The following PPIL4 variants were observed in gnomAD, a reference collection of about 807,000 sequenced individuals.
PPIL4 encodes peptidyl-prolyl cis-trans isomerase-like 4.
In PPIL4, 50 loss-of-function variants were observed where a neutral mutation model predicts 69.1. That is an observed-to-expected ratio of 0.72 (90% CI 0.58 to 0.92). PPIL4 has a LOEUF of 0.92. Among genes scored for constraint, PPIL4 ranks in the 40% least tolerant of loss-of-function variants. PPIL4 has a pLI of 0.00. For synonymous variants in PPIL4, 193 were observed against 191.6 expected, an observed-to-expected ratio of 1.01 and a Z score of -0.06; for missense variants, 480 against 587.9, an observed-to-expected ratio of 0.82 and a Z score of 1.90.
chr6:149,505,470 T>G lies in PPIL4; in HGVS notation c.1462A>C (p.Lys488Gln). The change falls in exon 13 of 13, where the codon AAA becomes CAA. Residue 488 changes from lysine to glutamine, a missense_variant. Transcript: ENST00000253329. ...TTCATCTTTCATCTATACTTAGATT[T>G]TTCTTTATCTTTGGACTTCTTTGGA... ...RSPKKSKDKE[K>Q]SKYR 5.0e-6 allele frequency: 8 copies of G among 1,612,396 alleles called. No individual in the cohort carries two copies. The highest frequency in any genetic ancestry group is 6.8e-6 in the Non-Finnish European group (8 of 1,179,676).
intron 4 of PPIL4, among the ~76,000 whole-genome samples, chr6:149,536,534 T>C (rs768290827): frequency 2.6e-5 from 4 of 152,076 alleles, no homozygotes; most frequent in African/African-American, 9.7e-5. Flanking sequence ...ACTGCTGATA[T>C]GAAGAAGGTT....
In PPIL4 at chr6:149,543,288, CAG is replaced by C. The variant is rs1441044593; in HGVS notation, c.71-1704_71-1703del. Reference sequence around the variant, plus strand: ...AAGCTAAAGAACAATTTATAGGAAACAGGGGACACAAAAATATGTTAACGCAC... The same window carrying C: ...AAGCTAAAGAACAATTTATAGGAAACGGGACACAAAAATATGTTAACGCAC... On this transcript the variant is annotated intron_variant, in intron 1 of 12. Coordinates refer to ENST00000253329, the MANE Select transcript of PPIL4 (RefSeq NM_139126.4). 7.2e-5 allele frequency among the ~76,000 whole-genome samples: 11 copies of C among 152,112 alleles called. No homozygotes were observed. The East Asian group carries it at 2.1e-3, about 29-fold the overall frequency.
At chr6:149,525,095 C>A in intron 9 of PPIL4, 48 bp downstream of exon 9, 1 of 963,334 alleles carries the variant, frequency 1.0e-6, no homozygotes, top group Non-Finnish European at 1.6e-6. Context: ...ATTTTAATAC[C>A]ATATAAAAGC....
chr6:149,543,918 AAAGG>A (rs1336520609), intron 1 of PPIL4, among the ~76,000 whole-genome samples: 1 of 152,260 alleles, frequency 6.6e-6, no homozygotes, highest in Admixed American at 6.5e-5. Flanking sequence ...TTAAAAAAGA[AAAGG>A]AAGAAAGAAT....
chr6:149,534,392 C>A (rs765320433), intron 6 of PPIL4, among the ~76,000 whole-genome samples: 45 of 152,124 alleles, frequency 3.0e-4, no homozygotes, highest in Non-Finnish European at 4.6e-4. Flanking sequence ...CACAAGATAA[C>A]AGTTTAATTT....
intron 1 of PPIL4, among the ~76,000 whole-genome samples, chr6:149,544,261 G>C (rs1362848487): frequency 6.6e-6 from 1 of 152,112 alleles, no homozygotes; most frequent in East Asian, 1.9e-4. Flanking sequence ...TGAAACACTC[G>C]ATCCAGCCAC....
chr6:149,524,708 T>C (rs1777081006), intron 9 of PPIL4, among the ~76,000 whole-genome samples: 1 of 152,156 alleles, frequency 6.6e-6, no homozygotes, highest in African/African-American at 2.4e-5. Context: ...AAGACCAGCC[T>C]GGCCAATATG....
chr6:149,521,204 C>T, intron 9 of PPIL4, 33 bp from the exon 10 acceptor site: 1 of 1,265,242 alleles, frequency 7.9e-7, no homozygotes, highest in Non-Finnish European at 1.1e-6. Flanking sequence ...AAGCATAAAT[C>T]TTTATGGAAA....
At chr6:149,529,578 C>T (rs1014165834) in intron 7 of PPIL4, among the ~76,000 whole-genome samples, 3 of 151,600 alleles carry the variant, frequency 2.0e-5, no homozygotes, top group Non-Finnish European at 2.9e-5. Flanking sequence ...CTGGCTAACA[C>T]GGTGAAACCT....
chr6:149,543,174 T>C (rs931390402), intron 1 of PPIL4, among the ~76,000 whole-genome samples: 1 of 152,178 alleles, frequency 6.6e-6, no homozygotes, highest in African/African-American at 2.4e-5. Context: ...ATCAAGTGCC[T>C]CCTGAATGTG....
intron 9 of PPIL4, among the ~76,000 whole-genome samples, chr6:149,522,858 A>G (rs2115032655): frequency 6.6e-6 from 1 of 152,094 alleles, no homozygotes; most frequent in East Asian, 1.9e-4. Context: ...TGATCCACCC[A>G]CCTCGGCCTC....
At chr6:149,542,078 C>T (rs533229179) in intron 1 of PPIL4, among the ~76,000 whole-genome samples, 104 of 152,012 alleles carry the variant, frequency 6.8e-4, no homozygotes, top group Non-Finnish European at 1.4e-3. Flanking sequence ...TTTTAAATTA[C>T]CTTTTTTTTT....
chr6:149,531,332 T>C (rs1020034524), intron 7 of PPIL4, among the ~76,000 whole-genome samples: 10 of 139,918 alleles, frequency 7.1e-5, no homozygotes, highest in African/African-American at 2.7e-5. Context: ...GCCATTGCAC[T>C]CCAGCCTGAT....
intron 12 of PPIL4, among the ~76,000 whole-genome samples, chr6:149,511,037 T>G (rs1164835383): frequency 3.9e-5 from 6 of 152,116 alleles, no homozygotes; most frequent in Non-Finnish European, 7.4e-5. Flanking sequence ...TATGTAAACC[T>G]AGCTCTCCTG....
intron 11 of PPIL4, among the ~76,000 whole-genome samples, chr6:149,515,457 G>T (rs575940781): frequency 2.6e-4 from 39 of 152,214 alleles, no homozygotes; most frequent in African/African-American, 8.4e-4. Context: ...AGTGTTGAGG[G>T]TATTCTCTAA....
intron 7 of PPIL4, among the ~76,000 whole-genome samples, chr6:149,528,675 T>A (rs1777144766): frequency 6.6e-6 from 1 of 152,222 alleles, no homozygotes; most frequent in Non-Finnish European, 1.5e-5. Flanking sequence ...CTGGTAGGAA[T>A]GTAAAATGTA....
intron 12 of PPIL4, among the ~76,000 whole-genome samples, chr6:149,506,754 C>T (rs747118076): frequency 5.3e-5 from 8 of 152,094 alleles, no homozygotes; most frequent in African/African-American, 9.7e-5. Context: ...GCCATCACAC[C>T]TGGCTAATTT....
chr6:149,519,783 A>C (rs895312046), intron 10 of PPIL4, among the ~76,000 whole-genome samples: 54 of 152,068 alleles, frequency 3.6e-4, no homozygotes, highest in African/African-American at 1.2e-3. Flanking sequence ...AAAAACAGAC[A>C]AAAAAAACAG....
intron 7 of PPIL4, among the ~76,000 whole-genome samples, chr6:149,528,381 T>C (rs1777141290): frequency 6.6e-6 from 1 of 152,254 alleles, no homozygotes; most frequent in Non-Finnish European, 1.5e-5. Flanking sequence ...GAACTTGCTA[T>C]AGTACTTGGT....
Sources: gnomAD v4.1 joint callset for allele counts (sites outside exome capture counted in the v4.1 genomes callset) on GRCh38, gnomAD v4.1.1 for gene constraint, MANE v1.5 for transcripts, NCBI Gene and HGNC (gene_info 2026-07-23, HGNC 2026-07-21) for gene names.